Variants in PLPP5 observed in about 807,000 individuals in gnomAD.
The protein encoded by PLPP5 is diacylglycerol pyrophosphate like 1.
In PLPP5, 29 loss-of-function variants were observed where a neutral mutation model predicts 23.6. The observed-to-expected ratio is 1.23, with a 90% CI of 0.92 to 1.68. The LOEUF (loss-of-function observed/expected upper bound fraction) is 1.68. PLPP5 is among the 40% of genes most tolerant of loss of function. PLPP5 has a pLI of 0.00. For missense variants in PLPP5, 315 were observed against 332.1 expected, an observed-to-expected ratio of 0.95 and a Z score of 0.40; for synonymous variants, 143 against 131.3, an observed-to-expected ratio of 1.09 and a Z score of -0.61.
Position 38,268,387 on chromosome 8 carries a change from G to T in PLPP5, c.258C>A (p.Ser86Arg). The T allele has an allele frequency of 1.9e-6, 3 of 1,569,246 alleles. No homozygotes were observed. Among genetic ancestry groups the T allele is most frequent in the Non-Finnish European group, 2.6e-6 (3 of 1,157,032 alleles). The change falls in exon 3 of 7, where the codon AGC becomes AGA. Residue 86 changes from serine (S) to arginine (R), a missense_variant. Transcript: ENST00000424479. ...KFLKKADTRD[S>R]RQACLAASLA... ...AGCGCTCACCCAGGCAGGCTTGTCT[G>T]CTGTCTCTTGTGTCTGCCTTCTTGA...
chr8:38,263,516 CTTT>C lies in PLPP5; in HGVS notation c.*925_*927del. 1.0e-6 allele frequency: 1 copy of C among 985,362 alleles called. No individual in the cohort carries two copies. The highest frequency in any genetic ancestry group is 1.2e-6 in the Non-Finnish European group (1 of 829,880). 61.0% of individuals were successfully genotyped at this position (985,362 alleles called of 1,614,324 possible). A position where few individuals can be genotyped will look rare whatever the true frequency, so the allele number is the denominator to read the frequency against. On this transcript the variant is annotated 3_prime_UTR_variant, in exon 7 of 7. Transcript: ENST00000424479. ...AAACCACACTCCTGACCATTTTCTT[CTTT>C]ATTATTGTTTTCACTTAGTAATTCA...
In PLPP5 at chr8:38,263,270, T is replaced by G; in HGVS notation, c.*1174A>C. The stretch of plus-strand genomic sequence containing the variant: ...GTAGGTCCTATGGCATCCATTCTGA[T>G]GACATCCCATAATTGTTCCTTATAT... On this transcript the variant is annotated 3_prime_UTR_variant, in exon 7 of 7. Transcript: ENST00000424479. The G allele has an allele frequency of 4.6e-5, 21 of 457,636 alleles. No individual in the cohort carries two copies. The highest frequency in any genetic ancestry group is 5.8e-5 in the Non-Finnish European group (20 of 347,712). The allele number at this position is 457,636 out of a possible 1,614,324, so 28.3% of individuals were successfully genotyped here. A position where few individuals can be genotyped will look rare whatever the true frequency, so the allele number is the denominator to read the frequency against.
In PLPP5 at chr8:38,264,695, T is replaced by A. The variant is rs568813524; in HGVS notation, c.635-91A>T. The A allele has an allele frequency of 2.8e-6, 4 of 1,434,894 alleles. No individual in the cohort carries two copies. The South Asian group carries it at 4.5e-5, about 16-fold the overall frequency. 88.9% of individuals were successfully genotyped at this position (1,434,894 alleles called of 1,614,324 possible). A position where few individuals can be genotyped will look rare whatever the true frequency, so the allele number is the denominator to read the frequency against. ...GCATAGAGGACCTGGCCCTCCAGGA[T>A]ACTCTACTGTGGGGCTAAAATAACC... On this transcript the variant is annotated intron_variant, in intron 6 of 6. Coordinates refer to ENST00000424479, the MANE Select transcript of PLPP5 (RefSeq NM_001102559.2).
chr8:38,264,893 A>AATTTTT, intron 6 of PLPP5: 2 of 1,612,888 alleles, frequency 1.2e-6, no homozygotes, highest in Non-Finnish European at 1.7e-6. Flanking sequence ...AACTCAGAAG[A>AATTTTT]GTAACAAAGG....
Position 38,267,769 on chromosome 8 carries a change from A to G in PLPP5, c.338+128T>C, listed in dbSNP as rs1807890447. 3.9e-6 allele frequency: 4 copies of G among 1,021,236 alleles called. No homozygotes were observed. The Admixed American group carries it at 8.9e-5, about 23-fold the overall frequency. 63.3% of individuals were successfully genotyped at this position (1,021,236 alleles called of 1,614,324 possible). A position where few individuals can be genotyped will look rare whatever the true frequency, so the allele number is the denominator to read the frequency against. On this transcript the variant is annotated intron_variant, in intron 4 of 6. Coordinates refer to ENST00000424479, the MANE Select transcript of PLPP5 (RefSeq NM_001102559.2). The stretch of plus-strand genomic sequence containing the variant: ...GGAAGGGAGTAAGCGTTGAATGACA[A>G]AAGAAAAATCAGAGTGAAGATAAAG...
In PLPP5 at chr8:38,267,939, A is replaced by C; in HGVS notation, c.296T>G (p.Leu99Arg). 6.2e-7 allele frequency: 1 copy of C among 1,614,056 alleles called. No individual in the cohort carries two copies. The highest frequency in any genetic ancestry group is 8.5e-7 in the Non-Finnish European group (1 of 1,179,906). Reference sequence around the variant, plus strand: ...TATTGTGTTGGTAAAGACGCCATTCAGAGCCAGGGCAAGGCTGGCAGCTGC... The same window carrying C: ...TATTGTGTTGGTAAAGACGCCATTCCGAGCCAGGGCAAGGCTGGCAGCTGC... Reference protein sequence around the residue: ...ACLAASLALALNGVFTNTIKL... With the variant: ...ACLAASLALARNGVFTNTIKL... The change falls in exon 4 of 7, where the codon CTG becomes CGG. Residue 99 changes from leucine (L) to arginine (R), a missense_variant. Coordinates refer to ENST00000424479, the MANE Select transcript of PLPP5 (RefSeq NM_001102559.2).
Position 38,266,285 on chromosome 8 carries a change from A to G in PLPP5, c.490T>C (p.Ser164Pro), listed in dbSNP as rs1807572260. Residue 164 changes from serine (S) to proline (P), a missense_variant, in exon 6 of 7, where the codon TCC becomes CCC. By Grantham distance (74) the Ser-to-Pro change is moderately conservative. Transcript: ENST00000424479. ...TGTAACTTCCCTGCCAGGTAGAAGG[A>G]CGCAAAGGCCAGACCAGCAAATGCA... ...SFAFAGLAFA[S>P]FYLAGKLHCF... 6.2e-7 allele frequency: 1 copy of G among 1,613,560 alleles called. No individual in the cohort carries two copies. Among genetic ancestry groups the G allele is most frequent in the Non-Finnish European group, 8.5e-7 (1 of 1,179,668 alleles).
chr8:38,268,504 C>T lies in PLPP5; in HGVS notation c.184-43G>A, dbSNP rs1247918748. Reference sequence around the variant, plus strand: ...AGGTTAAAAACAATCCAAAAAAAAGCCACACTCGTGCTCCTACAGGAAAGA... The same window carrying T: ...AGGTTAAAAACAATCCAAAAAAAAGTCACACTCGTGCTCCTACAGGAAAGA... On this transcript the variant is annotated intron_variant, in intron 2 of 6. Transcript: ENST00000424479. The T allele has an allele frequency of 2.6e-6, 4 of 1,546,352 alleles. No homozygotes were observed. In the African/African-American group the frequency reaches 5.5e-5, roughly 21 times the overall value.
intron 2 of PLPP5, 22 bp downstream of exon 2, chr8:38,268,860 A>G (rs2130956376): frequency 1.3e-6 from 2 of 1,535,702 alleles, no homozygotes; most frequent in Non-Finnish European, 1.7e-6. Context: ...GGAGGGAGGA[A>G]AGACGATCTT....
At position 38,267,925 on chromosome 8, in the gene PLPP5, T is replaced by TA. The variant is rs752263409; in HGVS notation, c.309dup (p.Thr104TyrfsTer22). The TA allele has an allele frequency of 1.2e-5, 19 of 1,613,958 alleles. No homozygotes were observed. The South Asian group carries it at 2.1e-4, about 18-fold the overall frequency. ...CCTACGATCAGTTTTATTGTGTTGG[T>TA]AAAGACGCCATTCAGAGCCAGGGCA... is the stretch of plus-strand genomic sequence containing the variant. On this transcript the variant is annotated frameshift_variant, in exon 4 of 7. Transcript: ENST00000424479. LOFTEE classifies it high-confidence loss of function.
chr8:38,264,314 G>A lies in PLPP5; in HGVS notation c.*130C>T, dbSNP rs984402970. ...GGCACACAACTCCTGGCTAATTTTT[G>A]TATTTTTAGTAGAGACAGGGTTCAC... On this transcript the variant is annotated 3_prime_UTR_variant, in exon 7 of 7. Coordinates refer to ENST00000424479, the MANE Select transcript of PLPP5 (RefSeq NM_001102559.2). 8.7e-6 allele frequency: 7 copies of A among 802,996 alleles called. No individual in the cohort carries two copies. In the East Asian group the frequency reaches 2.3e-4, roughly 26 times the overall value. 49.7% of individuals were successfully genotyped at this position (802,996 alleles called of 1,614,324 possible). A position where few individuals can be genotyped will look rare whatever the true frequency, so the allele number is the denominator to read the frequency against.
chr8:38,265,946 G>A (rs1328870991), intron 6 of PLPP5, among the ~76,000 whole-genome samples, 195 bp downstream of exon 6: 1 of 152,098 alleles, frequency 6.6e-6, no homozygotes, highest in African/African-American at 2.4e-5. Flanking sequence ...GAAAAATTAG[G>A]ATGTTTATCT....
chr8:38,264,451 TC>T lies in PLPP5; in HGVS notation c.787del (p.Asp263IlefsTer5). ...AQKPGDSYCF[D>X]I Reference sequence around the variant, plus strand: ...CCCGGCCAGATTCAATTTTTAAATATCAAAACAATAAGAATCCCCAGGCTTC... The same window carrying T: ...CCCGGCCAGATTCAATTTTTAAATATAAAACAATAAGAATCCCCAGGCTTC... On this transcript the variant is annotated frameshift_variant, in exon 7 of 7. Transcript: ENST00000424479. LOFTEE classifies it high-confidence loss of function. The T allele has an allele frequency of 6.5e-7, 1 of 1,547,370 alleles. No individual in the cohort carries two copies. The highest frequency in any genetic ancestry group is 8.7e-7 in the Non-Finnish European group (1 of 1,145,974).
Position 38,263,934 on chromosome 8 carries a change from T to G in PLPP5, c.*510A>C, listed in dbSNP as rs1450157440. ...GTGTTGGACACCTTTGAAAGATCCT[T>G]TTACTAGAACATGTGGCATACAGTA... On this transcript the variant is annotated 3_prime_UTR_variant, in exon 7 of 7. Coordinates refer to ENST00000424479, the MANE Select transcript of PLPP5 (RefSeq NM_001102559.2). The G allele has an allele frequency of 5.1e-6, 5 of 985,214 alleles. No homozygotes were observed. In the East Asian group the frequency reaches 5.7e-4, roughly 112 times the overall value. 61.0% of individuals were successfully genotyped at this position (985,214 alleles called of 1,614,324 possible). A position where few individuals can be genotyped will look rare whatever the true frequency, so the allele number is the denominator to read the frequency against.
Position 38,268,653 on chromosome 8 carries a change from C to T in PLPP5, c.184-192G>A, listed in dbSNP as rs554723853. 3.2e-5 allele frequency: 46 copies of T among 1,435,322 alleles called. No individual in the cohort carries two copies. The East Asian group carries it at 1.1e-3, about 35-fold the overall frequency. 88.9% of individuals were successfully genotyped at this position (1,435,322 alleles called of 1,614,324 possible). The stretch of plus-strand genomic sequence containing the variant: ...GCGGCTCGGGCCCCGGTACCTCAGG[C>T]TGAGGCACAGAGCGCCCGGGAAAAC... On this transcript the variant is annotated intron_variant, in intron 2 of 6. Transcript: ENST00000424479.
Position 38,269,074 on chromosome 8 carries a change from C to T in PLPP5, c.74+52G>A, listed in dbSNP as rs1585834630. 2.0e-6 allele frequency: 3 copies of T among 1,526,274 alleles called. No individual in the cohort carries two copies. The Admixed American group carries it at 6.2e-5, about 31-fold the overall frequency. 94.5% of individuals were successfully genotyped at this position (1,526,274 alleles called of 1,614,324 possible). ...TGCCCGACCCGCCGCCCCGTGCCGC[C>T]CGCCTGCCTGGGAAGCGGGGCCGCC... On this transcript the variant is annotated intron_variant, in intron 1 of 6. Coordinates refer to ENST00000424479, the MANE Select transcript of PLPP5 (RefSeq NM_001102559.2).
chr8:38,268,776 G>A (rs780019973), intron 2 of PLPP5, 106 bp downstream of exon 2: 3 of 1,439,622 alleles, frequency 2.1e-6, no homozygotes, highest in Non-Finnish European at 2.7e-6. Flanking sequence ...CAGCAGCGGA[G>A]TGGGCAGTGG....
intron 5 of PLPP5, chr8:38,266,859 C>A: frequency 4.2e-6 from 1 of 239,500 alleles, no homozygotes; most frequent in Non-Finnish European, 7.8e-6. Flanking sequence ...CTTGTTGATG[C>A]TTTAGTTTCC....
intron 2 of PLPP5, 31 bp downstream of exon 2, chr8:38,268,851 G>A (rs745815545): frequency 2.6e-6 from 4 of 1,524,586 alleles, no homozygotes; most frequent in East Asian, 4.8e-5. Context: ...GGGTCATGGG[G>A]AGGGAGGAAA....
Sources: gnomAD v4.1 joint callset for allele counts (sites outside exome capture counted in the v4.1 genomes callset) on GRCh38, gnomAD v4.1.1 for gene constraint, MANE v1.5 for transcripts, NCBI Gene and HGNC (gene_info 2026-07-23, HGNC 2026-07-21) for gene names.